The following CTDSPL variants were observed in gnomAD, a reference collection of about 807,000 sequenced individuals.
CTDSPL encodes the protein CTD small phosphatase-like protein.
Under a neutral mutation model 30.5 loss-of-function variants are expected in CTDSPL, and 8 were observed. The ratio of observed to expected loss-of-function variants is 0.26; its 90% CI spans 0.15 to 0.47. The LOEUF (loss-of-function observed/expected upper bound fraction) is 0.47. CTDSPL is among the 20% of genes least tolerant of loss of function. The pLI is 0.99. For synonymous variants in CTDSPL, 110 were observed against 137.9 expected (o/e 0.80, Z 1.42); for missense variants, 248 against 366.1 (o/e 0.68, Z 2.63).
intron 1 of CTDSPL, among the ~76,000 whole-genome samples, chr3:37,863,905 A>T (rs537997309): frequency 6.6e-6 from 1 of 152,152 alleles, no homozygotes; most frequent in Non-Finnish European, 1.5e-5. Flanking sequence ...TCTCTCAGGC[A>T]TTTTTCTGTG....
rs577097327 is a variant in CTDSPL, at chr3:37,936,656, T to TAAA, written c.80-10379_80-10377dup. Among the ~76,000 whole-genome samples, 57 of 94,738 alleles carry TAAA rather than the reference T, an allele frequency of 6.0e-4. 3 individuals carry two copies. Among genetic ancestry groups the TAAA allele is most frequent in the African/African-American group, 2.1e-3 (50 of 24,282 alleles). 62.2% of individuals were successfully genotyped at this position (94,738 alleles called of 152,430 possible). On this transcript the variant is annotated intron_variant, in intron 1 of 7. Coordinates refer to ENST00000273179, the MANE Select transcript of CTDSPL (RefSeq NM_001008392.2). ...AGAAAGAGTTCCTCCTCTCCCCAGT[T>TAAA]AAAAAAAAAAAAAAAAAAAAAAAAG...
chr3:37,926,758 A>C (rs1184728308), intron 1 of CTDSPL, among the ~76,000 whole-genome samples: 1 of 152,344 alleles, frequency 6.6e-6, no homozygotes, highest in East Asian at 1.9e-4. Context: ...AAATGCATTT[A>C]TTATCTGGAG....
chr3:37,895,302 G>A (rs1361361068), intron 1 of CTDSPL, among the ~76,000 whole-genome samples: 1 of 152,090 alleles, frequency 6.6e-6, no homozygotes, highest in Non-Finnish European at 1.5e-5. Context: ...CTCAATTCTC[G>A]GCTTAGTTAT....
chr3:37,864,815 G>C (rs1474415683), intron 1 of CTDSPL, among the ~76,000 whole-genome samples: 1 of 151,546 alleles, frequency 6.6e-6, no homozygotes, highest in African/African-American at 2.4e-5. Context: ...AAAATATTGG[G>C]CCTGGAATAT....
intron 1 of CTDSPL, among the ~76,000 whole-genome samples, chr3:37,884,810 A>G (rs974186554): frequency 6.6e-6 from 1 of 152,042 alleles, no homozygotes; most frequent in Non-Finnish European, 1.5e-5. Flanking sequence ...GAGTGTTCAT[A>G]AGCCACGGCT....
chr3:37,913,321 A>G (rs1265740251), intron 1 of CTDSPL, among the ~76,000 whole-genome samples: 1 of 152,172 alleles, frequency 6.6e-6, no homozygotes, highest in Non-Finnish European at 1.5e-5. Flanking sequence ...CTCTGTCTCA[A>G]AAAAGAAAAA....
chr3:37,891,566 A>G (rs980804868), intron 1 of CTDSPL, among the ~76,000 whole-genome samples: 1 of 152,228 alleles, frequency 6.6e-6, no homozygotes, highest in Non-Finnish European at 1.5e-5. Context: ...GTTGTACTGA[A>G]TTCCTAGTAG....
chr3:37,920,404 T>A (rs1451481626), intron 1 of CTDSPL, among the ~76,000 whole-genome samples: 1 of 152,236 alleles, frequency 6.6e-6, no homozygotes, highest in Non-Finnish European at 1.5e-5. Context: ...GAATGTGAGC[T>A]GCTGCGACTG....
intron 1 of CTDSPL, among the ~76,000 whole-genome samples, chr3:37,920,747 C>G (rs1157616283): frequency 2.0e-5 from 3 of 152,232 alleles, no homozygotes; most frequent in Non-Finnish European, 4.4e-5. Flanking sequence ...CCACCTTCAC[C>G]CATAGTAGTG....
Position 37,984,317 on chromosome 3 carries a change from T to C in CTDSPL, c.*3450T>C. 2.2e-6 allele frequency: 1 copy of C among 456,768 alleles called. No individual in the cohort carries two copies. The allele number at this position is 456,768 out of a possible 1,614,324, so 28.3% of individuals were successfully genotyped here. ...GGAGATGCTGGTGTCTGGGTAGTCA[T>C]GGATTTCTGCTGGACATTTGAATGT... On this transcript the variant is annotated 3_prime_UTR_variant, in exon 8 of 8. Coordinates refer to ENST00000273179, the MANE Select transcript of CTDSPL (RefSeq NM_001008392.2).
chr3:37,926,543 G>A (rs1006060814), intron 1 of CTDSPL, among the ~76,000 whole-genome samples: 11 of 152,138 alleles, frequency 7.2e-5, no homozygotes, highest in African/African-American at 2.7e-4. Context: ...CCAGTTTTTG[G>A]TGTCAGTGGT....
At chr3:37,875,551 C>A (rs72862293) in intron 1 of CTDSPL, among the ~76,000 whole-genome samples, 112 of 152,226 alleles carry the variant, frequency 7.4e-4, no homozygotes, top group African/African-American at 2.6e-3. Flanking sequence ...ATAAATGTAG[C>A]CTTTTAGTAC....
chr3:37,933,456 G>C (rs568395087), intron 1 of CTDSPL, among the ~76,000 whole-genome samples: 74 of 152,270 alleles, frequency 4.9e-4, no homozygotes, highest in Non-Finnish European at 7.9e-4. Context: ...TGTATTTAGA[G>C]GTTAATGGTA....
At chr3:37,877,191 C>T (rs566017729) in intron 1 of CTDSPL, among the ~76,000 whole-genome samples, 85 of 152,156 alleles carry the variant, frequency 5.6e-4, no homozygotes, top group Non-Finnish European at 9.7e-4. Flanking sequence ...TGCTGTGCAG[C>T]TATCACCACC....
chr3:37,912,333 C>T (rs1698593384), intron 1 of CTDSPL, among the ~76,000 whole-genome samples: 1 of 152,192 alleles, frequency 6.6e-6, no homozygotes, highest in Non-Finnish European at 1.5e-5. Flanking sequence ...TCTGAAGTAA[C>T]AGGATTTGTA....
chr3:37,869,345 A>G (rs1414671885), intron 1 of CTDSPL, among the ~76,000 whole-genome samples: 8 of 152,080 alleles, frequency 5.3e-5, no homozygotes, highest in African/African-American at 4.8e-5. Flanking sequence ...TAGTTATCCT[A>G]CAATGCTGTA....
intron 6 of CTDSPL, among the ~76,000 whole-genome samples, chr3:37,973,475 TTGC>T (rs746215907): frequency 6.6e-6 from 1 of 152,238 alleles, no homozygotes; most frequent in Non-Finnish European, 1.5e-5. Context: ...AACCCTTCTC[TTGC>T]TGCTACTCCA....
At chr3:37,930,980 A>G (rs570023956) in intron 1 of CTDSPL, among the ~76,000 whole-genome samples, 2 of 152,120 alleles carry the variant, frequency 1.3e-5, no homozygotes, top group Non-Finnish European at 2.9e-5. Context: ...TTGGTCTGAT[A>G]TAAGTATGGC....
intron 1 of CTDSPL, among the ~76,000 whole-genome samples, chr3:37,863,706 G>A (rs1473960587): frequency 6.6e-6 from 1 of 152,214 alleles, no homozygotes; most frequent in Non-Finnish European, 1.5e-5. Flanking sequence ...AGAAATCTGC[G>A]TGGGAGTGAG....
Sources: allele counts gnomAD v4.1 joint callset (sites outside exome capture counted in the v4.1 genomes callset), GRCh38; gene constraint gnomAD v4.1.1; transcripts MANE v1.5; gene names NCBI Gene and HGNC (gene_info 2026-07-23, HGNC 2026-07-21).